Variants in HDAC9 observed in about 807,000 individuals in gnomAD.
HDAC9 encodes MEF-2 interacting transcription repressor (MITR) protein.
In HDAC9, 41 loss-of-function variants were observed where a neutral mutation model predicts 139.4. The ratio of observed to expected loss-of-function variants is 0.29; its 90% CI spans 0.23 to 0.38. HDAC9 has a LOEUF of 0.38. HDAC9 is among the 10% of genes least tolerant of loss of function. The pLI, the probability that HDAC9 is intolerant of heterozygous loss-of-function variation, is 1.00. For missense variants in HDAC9, 1,147 were observed against 1,297.0 expected (o/e 0.88, Z 1.78); for synonymous variants, 517 against 476.2 (o/e 1.09, Z -1.12).
chr7:18,819,682 A>G (rs961574999), intron 17 of HDAC9, among the ~76,000 whole-genome samples: 1 of 152,226 alleles, frequency 6.6e-6, no homozygotes, highest in African/African-American at 2.4e-5. Flanking sequence ...AACAACAGCA[A>G]GAAAGTAGGA....
At chr7:18,557,188 C>T (rs1819066864) in intron 2 of HDAC9, among the ~76,000 whole-genome samples, 1 of 151,952 alleles carries the variant, frequency 6.6e-6, no homozygotes, top group Non-Finnish European at 1.5e-5. Context: ...CCAGAAGACG[C>T]TCTTTTGGAG....
At chr7:18,243,997 T>C (rs1440228543) in intron 2 of HDAC9, among the ~76,000 whole-genome samples, 1 of 152,170 alleles carries the variant, frequency 6.6e-6, no homozygotes, top group Non-Finnish European at 1.5e-5. Context: ...AGATAAACTA[T>C]GGGGGAGAAG....
intron 2 of HDAC9, among the ~76,000 whole-genome samples, chr7:18,498,505 C>T (rs956571469): frequency 6.6e-6 from 1 of 152,116 alleles, no homozygotes; most frequent in Non-Finnish European, 1.5e-5. Context: ...TTTGAGCTAA[C>T]TGCTAAATTA....
intron 12 of HDAC9, among the ~76,000 whole-genome samples, chr7:18,725,601 C>A (rs1785482316): frequency 1.3e-5 from 2 of 151,982 alleles, no homozygotes; most frequent in South Asian, 4.2e-4. Flanking sequence ...TTTGCCATGT[C>A]TTACATGGGA....
At chr7:18,907,542 T>C (rs1362099246) in intron 22 of HDAC9, among the ~76,000 whole-genome samples, 1 of 152,228 alleles carries the variant, frequency 6.6e-6, no homozygotes, top group African/African-American at 2.4e-5. Context: ...GTCATATTAT[T>C]TGACAAGCAA....
upstream of HDAC9, among the ~76,000 whole-genome samples, chr7:18,492,106 A>G (rs1392407493): frequency 6.6e-6 from 1 of 152,006 alleles, no homozygotes; most frequent in Non-Finnish European, 1.5e-5. Context: ...ACCAAAAACT[A>G]ATCGCTTCAC....
intron 2 of HDAC9, among the ~76,000 whole-genome samples, chr7:18,172,793 T>C (rs6951366): frequency 0.022 from 3,373 of 152,326 alleles, 132 homozygotes; most frequent in African/African-American, 0.076. Context: ...AGTTCTAATT[T>C]GATTGCACTG....
chr7:18,220,097 T>G (rs1023872925), intron 2 of HDAC9, among the ~76,000 whole-genome samples: 1 of 152,128 alleles, frequency 6.6e-6, no homozygotes, highest in African/African-American at 2.4e-5. Flanking sequence ...ACTATGGAAA[T>G]GTGTACTATT....
rs1171960327 is a variant in HDAC9 at position 19,000,911 on chromosome 7, CCTA to C, written c.*4852_*4854del. The C allele has an allele frequency of 6.6e-6, 1 of 152,166 alleles. No individual in the cohort carries two copies. Among genetic ancestry groups the C allele is most frequent in the Non-Finnish European group, 1.5e-5 (1 of 68,012 alleles). 9.4% of individuals were successfully genotyped at this position (152,166 alleles called of 1,614,324 possible). ...ACTTATTTTCTGAGATACCACTAGGCCTACTGTCTTTCATGCCATTTTATATAA... is the reference window on the plus strand; with the variant it reads ...ACTTATTTTCTGAGATACCACTAGGCCTGTCTTTCATGCCATTTTATATAA... On this transcript the variant is annotated 3_prime_UTR_variant, in exon 26 of 26. Transcript: ENST00000686413.
chr7:18,513,829 GTCTT>G (rs1802352621), intron 2 of HDAC9, among the ~76,000 whole-genome samples: 1 of 152,180 alleles, frequency 6.6e-6, no homozygotes, highest in Admixed American at 6.5e-5. Context: ...GCAAGACTAT[GTCTT>G]TCTTGAACCT....
rs576617381 is a variant in HDAC9, at chr7:18,838,404, A to G, written c.2684+2407A>G. On this transcript the variant is annotated intron_variant, in intron 21 of 25. Transcript: ENST00000686413. ...TGGGAACTTTCAAGGGGAGAAGAGG[A>G]GTTGGAGTCGGGGGTATTCATACTG... is the stretch of plus-strand genomic sequence containing the variant. 2.0e-5 allele frequency among the ~76,000 whole-genome samples: 3 copies of G among 152,102 alleles called. No homozygotes were observed. The South Asian group carries it at 6.2e-4, about 32-fold the overall frequency.
intron 1 of HDAC9, among the ~76,000 whole-genome samples, chr7:18,386,414 A>T (rs1183141235): frequency 6.6e-6 from 1 of 152,158 alleles, no homozygotes; most frequent in African/African-American, 2.4e-5. Flanking sequence ...TTGAACTTGC[A>T]TAGAAAATCT....
intron 2 of HDAC9, among the ~76,000 whole-genome samples, chr7:18,240,428 G>A (rs963128191): frequency 6.6e-6 from 1 of 152,090 alleles, no homozygotes; most frequent in African/African-American, 2.4e-5. Context: ...TTTGTAATTT[G>A]TAATCCCCCA....
chr7:18,207,094 T>A (rs1417131848), intron 2 of HDAC9, among the ~76,000 whole-genome samples: 1 of 151,946 alleles, frequency 6.6e-6, no homozygotes, highest in African/African-American at 2.4e-5. Flanking sequence ...TTTGTTTGTT[T>A]GGTTTGTTTT....
intron 2 of HDAC9, among the ~76,000 whole-genome samples, chr7:18,577,351 C>T (rs1159236610): frequency 6.6e-6 from 1 of 152,146 alleles, no homozygotes; most frequent in Admixed American, 6.5e-5. Flanking sequence ...TGTACATGCT[C>T]TTCTGCTCTG....
rs35111689 is a variant in HDAC9, at chr7:18,311,093, G to GATGA, written c.-42+20578_-42+20579insATGA. 1.6e-3 allele frequency among the ~76,000 whole-genome samples: 248 copies of GATGA among 151,136 alleles called. 2 individuals are homozygous for GATGA. In the East Asian group the frequency reaches 0.024, roughly 14 times the overall value. On this transcript the variant is annotated intron_variant, in intron 1 of 3. Coordinates refer to the HDAC9 transcript ENST00000413509. ...GTTTACCTCTCAGTTCTGGAGAGAG[G>GATGA]TGATGATGATGATGATGATGATGAC...
chr7:19,000,155 A>G lies in HDAC9; in HGVS notation c.*4093A>G, dbSNP rs1786681779. The G allele has an allele frequency of 6.6e-6, 1 of 152,252 alleles. No homozygotes were observed. Among genetic ancestry groups the G allele is most frequent in the African/African-American group, 2.4e-5 (1 of 41,468 alleles). 9.4% of individuals were successfully genotyped at this position (152,252 alleles called of 1,614,324 possible). Reference sequence around the variant, plus strand: ...GTGAAGGCATTTTGTTGTCTTCAGAACTGATCAACATGGTCATGATCATCA... The same window carrying G: ...GTGAAGGCATTTTGTTGTCTTCAGAGCTGATCAACATGGTCATGATCATCA... On this transcript the variant is annotated 3_prime_UTR_variant, in exon 26 of 26. Transcript: ENST00000686413.
At chr7:18,760,180 A>G (rs986748570) in intron 14 of HDAC9, among the ~76,000 whole-genome samples, 40 of 152,178 alleles carry the variant, frequency 2.6e-4, no homozygotes, top group African/African-American at 4.8e-5. Flanking sequence ...TTCTGCCAGA[A>G]TTGGTTGCCA....
intron 1 of HDAC9, among the ~76,000 whole-genome samples, chr7:18,158,152 A>G (rs1215790223): frequency 6.6e-6 from 1 of 152,200 alleles, no homozygotes; most frequent in African/African-American, 2.4e-5. Context: ...TTAGTAGCAC[A>G]CTATCCAAAA....
Sources: allele counts gnomAD v4.1 joint callset (sites outside exome capture counted in the v4.1 genomes callset), GRCh38; gene constraint gnomAD v4.1.1; transcripts MANE v1.5; gene names NCBI Gene and HGNC (gene_info 2026-07-23, HGNC 2026-07-21).